Variants in SHKBP1 observed in about 807,000 individuals in gnomAD.
SHKBP1 encodes SH3KBP1 binding protein 1.
A neutral mutation model predicts 83.9 loss-of-function variants in SHKBP1; 71 were observed. That is an observed-to-expected ratio of 0.85 (90% CI 0.70 to 1.03). SHKBP1 has a LOEUF of 1.03. Ranked by LOEUF, SHKBP1 falls within the 50% of genes least tolerant of loss-of-function variation. The pLI is 0.00. For synonymous variants in SHKBP1, 371 were observed against 398.0 expected (o/e 0.93, Z 0.81); for missense variants, 824 against 982.4 (o/e 0.84, Z 2.16).
At chr19:40,583,073 C>T (rs1029796016) in intron 10 of SHKBP1, among the ~76,000 whole-genome samples, 4 of 152,054 alleles carry the variant, frequency 2.6e-5, no homozygotes, top group Non-Finnish European at 1.5e-5. Context: ...CTTTGGGAGG[C>T]CGAGGCAAGA....
Position 40,583,586 on chromosome 19 carries a change from C to T in SHKBP1, c.1049-15C>T. 1 of 1,589,938 alleles carries T rather than the reference C, an allele frequency of 6.3e-7. No individual in the cohort carries two copies. The highest frequency in any genetic ancestry group is 8.6e-7 in the Non-Finnish European group (1 of 1,158,264). On this transcript the variant is annotated splice_polypyrimidine_tract_variant and intron_variant, in intron 11 of 17. Coordinates refer to ENST00000291842, the MANE Select transcript of SHKBP1 (RefSeq NM_138392.4). ...ACTTGGAACAAACCCGCTCCACCCT[C>T]CCTGCCCACCCCAGATGTGCAGAAG...
intron 13 of SHKBP1, among the ~76,000 whole-genome samples, chr19:40,587,640 C>T (rs989257287): frequency 6.6e-6 from 1 of 152,118 alleles, no homozygotes; most frequent in Admixed American, 6.6e-5. Flanking sequence ...GTGGCTCATG[C>T]CTATAATCCC....
At position 40,580,793 on chromosome 19, in the gene SHKBP1, T is replaced by C; in HGVS notation, c.701T>C (p.Leu234Pro). ...GWQLVFSSPR[L>P]DWPIERLALT... ...CAGCTGGTGTTTTCCAGCCCCCGCC[T>C]GGACTGGCCCATCGAACGACTGGCG... The change falls in exon 9 of 18, where the codon CTG (leucine) becomes CCG (proline). Residue 234 changes from leucine (L) to proline (P), a missense_variant. Physicochemically the swap from Leu to Pro is moderately conservative, Grantham distance 98 (BLOSUM62 -3). Around this residue, in one of 3 missense-constraint regions of SHKBP1, gnomAD observed 355 missense variants for 386.4 expected, o/e 0.92. Coordinates refer to ENST00000291842, the MANE Select transcript of SHKBP1 (RefSeq NM_138392.4). 6.2e-7 allele frequency: 1 copy of C among 1,612,302 alleles called. No homozygotes were observed. The highest frequency in any genetic ancestry group is 8.5e-7 in the Non-Finnish European group (1 of 1,178,966).
intron 12 of SHKBP1, chr19:40,585,594 C>A (rs1231146704): frequency 6.8e-6 from 1 of 147,062 alleles, no homozygotes; most frequent in Non-Finnish European, 1.5e-5. Context: ...TCAACCCAGG[C>A]TGGAGTGCAA....
At chr19:40,589,607 G>GGA in intron 15 of SHKBP1, among the ~76,000 whole-genome samples, 1 of 151,748 alleles carries the variant, frequency 6.6e-6, no homozygotes, top group African/African-American at 2.4e-5. Context: ...GGGAGCTGTA[G>GGA]GAGCCTTGCT....
At chr19:40,588,171 A>T (rs1161004076) in intron 13 of SHKBP1, among the ~76,000 whole-genome samples, 5 of 152,176 alleles carry the variant, frequency 3.3e-5, no homozygotes, top group Non-Finnish European at 7.3e-5. Flanking sequence ...TGCCTGGAAC[A>T]GAGTAAATGA....
intron 1 of SHKBP1, 51 bp downstream of exon 1, chr19:40,577,036 T>G (rs1599834585): frequency 1.6e-6 from 2 of 1,234,040 alleles, no homozygotes; most frequent in Non-Finnish European, 2.2e-6. Flanking sequence ...GGAAGCGGGG[T>G]GGGAGTATCC....
Position 40,590,793 on chromosome 19 carries a change from C to T in SHKBP1, c.1832C>T (p.Ala611Val), listed in dbSNP as rs992048128. The T allele has an allele frequency of 2.5e-6, 4 of 1,602,056 alleles. No homozygotes were observed. Among genetic ancestry groups the T allele is most frequent in the Non-Finnish European group, 3.4e-6 (4 of 1,170,242 alleles). Residue 611 changes from alanine to valine, a missense_variant, in exon 17 of 18, where the codon GCT becomes GTT. Transcript: ENST00000291842. The surrounding 1 kb of genome is among the most constrained non-coding windows in gnomAD (Gnocchi z 4.6). The stretch of plus-strand genomic sequence containing the variant: ...GAACACTGTGAGCTGGCCCCGCCGG[C>T]TCCTTCAGCTCCCTCATGGGGCTGT... ...QLEHCELAPP[A>V]PSAPSWGCLP...
rs752001323 is a variant in SHKBP1 at position 40,588,783 on chromosome 19, C to A, written c.1492+4C>A. 1 of 1,612,318 alleles carries A rather than the reference C, an allele frequency of 6.2e-7. No homozygotes were observed. The highest frequency in any genetic ancestry group is 8.5e-7 in the Non-Finnish European group (1 of 1,179,962). On this transcript the variant is annotated splice_donor_region_variant and intron_variant, in intron 14 of 17. Coordinates refer to ENST00000291842, the MANE Select transcript of SHKBP1 (RefSeq NM_138392.4). ...TGCAGTGCTGGCAATGACATTGGTG[C>A]CTACTGGCTCCTGGCCTTCCCACCC...
chr19:40,582,204 G>A, intron 9 of SHKBP1, 147 bp from the exon 10 acceptor site: 1 of 680,734 alleles, frequency 1.5e-6, no homozygotes, highest in Non-Finnish European at 2.6e-6. Flanking sequence ...TTACAGGTGT[G>A]AGCCACTGTG....
rs1303674742 is a variant in SHKBP1 at position 40,583,347 on chromosome 19, G to A, written c.961-51G>A. 16 of 1,467,284 alleles carry A rather than the reference G, an allele frequency of 1.1e-5. No homozygotes were observed. In the Admixed American group the frequency reaches 2.9e-4, roughly 27 times the overall value. The allele number at this position is 1,467,284 out of a possible 1,614,324, so 90.9% of individuals were successfully genotyped here. On this transcript the variant is annotated intron_variant, in intron 10 of 17. Transcript: ENST00000291842. ...TCCTCTGTGAGGGGTCACCACGGAA[G>A]GAAAGGAATGGAAGGGCTCCCGGCT...
At chr19:40,582,508 C>T in intron 10 of SHKBP1, 42 bp downstream of exon 10, 1 of 1,560,040 alleles carries the variant, frequency 6.4e-7, no homozygotes, top group African/African-American at 1.4e-5. Flanking sequence ...TCCCAGTTTT[C>T]CAGACTGTAC....
At chr19:40,583,295 G>A in intron 10 of SHKBP1, 103 bp from the exon 11 acceptor site, 1 of 906,096 alleles carries the variant, frequency 1.1e-6, no homozygotes, top group South Asian at 1.7e-5. Flanking sequence ...GCAGTGGGTG[G>A]GTTCTGGAGG....
Position 40,580,443 on chromosome 19 carries a change from C to T in SHKBP1, c.520C>T (p.Leu174=). 6.2e-7 allele frequency: 1 copy of T among 1,613,874 alleles called. No homozygotes were observed. The highest frequency in any genetic ancestry group is 8.5e-7 in the Non-Finnish European group (1 of 1,179,796). The part of the protein sequence containing the change: ...MPPNLGNAGL[L]GRMLDEKTPP... ...CCCCAACCTTGGCAATGCAGGGCTG[C>T]TGGGCCGAATGCTGGATGAGAAAAC... Residue 174 remains leucine (L), a synonymous_variant, in exon 7 of 18, where the codon CTG becomes TTG. Coordinates refer to ENST00000291842, the MANE Select transcript of SHKBP1 (RefSeq NM_138392.4).
intron 12 of SHKBP1, among the ~76,000 whole-genome samples, chr19:40,585,132 G>A (rs2081300837): frequency 6.6e-6 from 1 of 151,956 alleles, no homozygotes; most frequent in African/African-American, 2.4e-5. Flanking sequence ...ATAGAGACAG[G>A]GTCTTGCTCT....
intron 6 of SHKBP1, among the ~76,000 whole-genome samples, chr19:40,579,789 T>G (rs1391539036): frequency 1.3e-5 from 2 of 152,130 alleles, no homozygotes; most frequent in East Asian, 3.8e-4. Flanking sequence ...CCCAGCACTT[T>G]GGGAGGCTGA....
intron 6 of SHKBP1, 189 bp from the exon 7 acceptor site, chr19:40,580,135 A>T: frequency 1.6e-6 from 1 of 619,420 alleles, no homozygotes; most frequent in South Asian, 2.1e-5. Flanking sequence ...GGCTCAAGGG[A>T]ACTGAAAGGG....
chr19:40,590,815 C>T lies in SHKBP1; in HGVS notation c.1854C>T (p.Gly618=), dbSNP rs1424816769. 1 of 1,599,026 alleles carries T rather than the reference C, an allele frequency of 6.3e-7. No homozygotes were observed. The highest frequency in any genetic ancestry group is 1.1e-5 in the South Asian group (1 of 90,526). The change falls in exon 17 of 18, where the codon GGC becomes GGT. Residue 618 remains glycine (G), a synonymous_variant. Transcript: ENST00000291842. This position sits in a 1 kb window ranked among gnomAD's most constrained non-coding sequence, Gnocchi z 4.6. ...CGGCTCCTTCAGCTCCCTCATGGGG[C>T]TGTCTCCCCAGCCCCTCACCCCGCA... ...APPAPSAPSW[G]CLPSPSPRIS...
rs200692250 is a variant in SHKBP1 at position 40,580,975 on chromosome 19, A to G, written c.844+39A>G. The G allele has an allele frequency of 2.3e-4, 350 of 1,491,004 alleles. 3 individuals carry two copies. In the East Asian group the frequency reaches 7.9e-3, roughly 34 times the overall value. The allele number at this position is 1,491,004 out of a possible 1,614,324, so 92.4% of individuals were successfully genotyped here. On this transcript the variant is annotated intron_variant, in intron 9 of 17. Coordinates refer to ENST00000291842, the MANE Select transcript of SHKBP1 (RefSeq NM_138392.4). ...CCTTTTCCAGAACCCTCTGTCCTTT[A>G]AATTCTACTGCCTGTTAAAATGACC...
Sources: gnomAD v4.1 joint callset for allele counts (sites outside exome capture counted in the v4.1 genomes callset) on GRCh38, gnomAD v4.1.1 for gene constraint, gnomAD v4.1.1 regional missense constraint, Gnocchi (gnomAD v3.1) non-coding constraint, MANE v1.5 for transcripts, NCBI Gene and HGNC (gene_info 2026-07-23, HGNC 2026-07-21) for gene names.